Variants in PTPRD observed in about 807,000 individuals in gnomAD.
PTPRD encodes protein tyrosine phosphatase receptor type D, also known as receptor-type tyrosine-protein phosphatase delta.
In PTPRD, 34 loss-of-function variants were observed where a neutral mutation model predicts 214.5. The ratio of observed to expected loss-of-function variants is 0.16; its 90% CI spans 0.12 to 0.21. The LOEUF is 0.21. Ranked by LOEUF, PTPRD falls within the 10% of genes least tolerant of loss-of-function variation. PTPRD has a pLI of 1.00. For missense variants in PTPRD, 2,545 were observed against 2,398.7 expected, an observed-to-expected ratio of 1.06 and a Z score of -1.27; for synonymous variants, 1,128 against 845.7, an observed-to-expected ratio of 1.33 and a Z score of -5.79.
At chr9:8,710,371 C>A (rs1454585872) in intron 12 of PTPRD, among the ~76,000 whole-genome samples, 4 of 152,132 alleles carry the variant, frequency 2.6e-5, no homozygotes, top group Non-Finnish European at 5.9e-5. Flanking sequence ...AATCCTAGCA[C>A]TCTGGGAAGC....
At chr9:9,586,331 T>C (rs1457706672) in intron 7 of PTPRD, among the ~76,000 whole-genome samples, 2 of 151,990 alleles carry the variant, frequency 1.3e-5, no homozygotes, top group East Asian at 3.9e-4. Context: ...AGTATATTGG[T>C]TTAATGAATA....
At chr9:9,170,922 G>C (rs2099913226) in intron 10 of PTPRD, among the ~76,000 whole-genome samples, 1 of 152,166 alleles carries the variant, frequency 6.6e-6, no homozygotes, top group African/African-American at 2.4e-5. Flanking sequence ...ATTAAGTCCA[G>C]ATGCAAGTGT....
chr9:9,498,979 C>G (rs909997227), intron 8 of PTPRD, among the ~76,000 whole-genome samples: 1 of 151,954 alleles, frequency 6.6e-6, no homozygotes, highest in African/African-American at 2.4e-5. Context: ...CTTGCTCTTG[C>G]TGTCTCACTC....
chr9:9,711,642 A>G lies in PTPRD; in HGVS notation c.-287+22891T>C, dbSNP rs189530442. Among the ~76,000 whole-genome samples, 375 of 152,298 alleles carry G rather than the reference A, an allele frequency of 2.5e-3. 2 individuals are homozygous for G. Among genetic ancestry groups the G allele is most frequent in the Non-Finnish European group, 3.3e-3 (222 of 68,020 alleles). On this transcript the variant is annotated intron_variant, in intron 7 of 45. Coordinates refer to ENST00000381196, the MANE Select transcript of PTPRD (RefSeq NM_002839.4). ...AACAAAGGGTAAACTTACTCTCCAA[A>G]TGGTGACATTCTCAAGGTCAACAGA...
intron 2 of PTPRD, among the ~76,000 whole-genome samples, chr9:10,568,144 G>A (rs1406984752): frequency 7.5e-6 from 1 of 134,002 alleles, no homozygotes; most frequent in African/African-American, 2.9e-5. Flanking sequence ...AGTCCCCAGT[G>A]TGTGATGTTC....
At chr9:9,738,472 C>A (rs2098340562) in intron 6 of PTPRD, among the ~76,000 whole-genome samples, 1 of 87,658 alleles carries the variant, frequency 1.1e-5, no homozygotes, top group Non-Finnish European at 1.9e-5. Flanking sequence ...GAGATGGAGT[C>A]TTGCTCTGTC....
At chr9:8,422,048 AGATGG>A (rs932772170) in intron 35 of PTPRD, among the ~76,000 whole-genome samples, 3 of 142,612 alleles carry the variant, frequency 2.1e-5, no homozygotes, top group African/African-American at 7.7e-5. Flanking sequence ...TGGGAGGCTG[AGATGG>A]GAGGATCATC....
rs1029820271 is a variant in PTPRD at position 10,277,216 on chromosome 9, CAACATA to C, written c.-545+63741_-545+63746del. Among the ~76,000 whole-genome samples, 28 of 81,654 alleles carry C rather than the reference CAACATA, an allele frequency of 3.4e-4. No homozygotes were observed. In the East Asian group the frequency reaches 8.2e-3, roughly 24 times the overall value. The allele number at this position is 81,654 out of a possible 152,430, so 53.6% of individuals were successfully genotyped here. ...AACATAAAACATAAACATAAACATA[CAACATA>C]AACATAAACATAAAACATAAACATA... On this transcript the variant is annotated intron_variant, in intron 3 of 45. Transcript: ENST00000381196.
chr9:9,851,211 A>G (rs1417399535), intron 5 of PTPRD, among the ~76,000 whole-genome samples: 3 of 152,204 alleles, frequency 2.0e-5, no homozygotes, highest in African/African-American at 7.2e-5. Context: ...CAAAAGTAGA[A>G]TTAGTATTAC....
chr9:9,543,872 C>T (rs191725067), intron 8 of PTPRD, among the ~76,000 whole-genome samples: 5 of 151,568 alleles, frequency 3.3e-5, no homozygotes, highest in African/African-American at 1.2e-4. Flanking sequence ...ATTGTTAAAA[C>T]AATTTGTGTT....
intron 11 of PTPRD, among the ~76,000 whole-genome samples, chr9:8,973,644 G>A (rs1370729082): frequency 6.6e-6 from 1 of 152,086 alleles, no homozygotes. Context: ...TCTCCAAAAT[G>A]CTTTCTACAG....
At chr9:9,562,701 T>C (rs1212647924) in intron 8 of PTPRD, among the ~76,000 whole-genome samples, 1 of 152,110 alleles carries the variant, frequency 6.6e-6, no homozygotes, top group Non-Finnish European at 1.5e-5. Flanking sequence ...CCTGAGCAAA[T>C]TTGCCCAAAT....
chr9:8,384,737 G>A (rs938530609), intron 37 of PTPRD, among the ~76,000 whole-genome samples: 2 of 152,068 alleles, frequency 1.3e-5, no homozygotes, highest in African/African-American at 2.4e-5. Context: ...TGTTGGTCAC[G>A]CTGGTCTCGA....
At chr9:10,217,455 G>T (rs530005200) in intron 3 of PTPRD, among the ~76,000 whole-genome samples, 1 of 151,982 alleles carries the variant, frequency 6.6e-6, no homozygotes, top group African/African-American at 2.4e-5. Flanking sequence ...GATGTGAACA[G>T]AAGGCAAGTA....
intron 11 of PTPRD, among the ~76,000 whole-genome samples, chr9:8,911,299 G>C (rs1485114080): frequency 1.3e-5 from 2 of 152,064 alleles, no homozygotes; most frequent in Non-Finnish European, 2.9e-5. Context: ...TCGTATTTAA[G>C]GTCAATTGAT....
chr9:10,272,143 A>G (rs967972904), intron 3 of PTPRD, among the ~76,000 whole-genome samples: 19 of 152,126 alleles, frequency 1.2e-4, no homozygotes, highest in Non-Finnish European at 1.5e-4. Flanking sequence ...TGCTTTCTCT[A>G]TGTATCTCTC....
At chr9:9,159,695 TAAAA>T (rs2099884686) in intron 10 of PTPRD, among the ~76,000 whole-genome samples, 1 of 152,016 alleles carries the variant, frequency 6.6e-6, no homozygotes, top group Non-Finnish European at 1.5e-5. Flanking sequence ...TTCACAGAGA[TAAAA>T]AACCTCCGAA....
In PTPRD at chr9:10,481,583, T is replaced by A. The variant is rs191000667; in HGVS notation, c.-600+130815A>T. Among the ~76,000 whole-genome samples the A allele has an allele frequency of 3.2e-4, 48 of 152,254 alleles. 1 individual carries two copies. The highest frequency in any genetic ancestry group is 1.0e-3 in the African/African-American group (42 of 41,560). ...GTCTCTTAGCCTCATGAGAAAGAAG[T>A]TAAAATATAGTTTTTGAATGCATAA... is the stretch of plus-strand genomic sequence containing the variant. On this transcript the variant is annotated intron_variant, in intron 2 of 45. Transcript: ENST00000381196.
At chr9:9,436,861 G>C (rs1259855822) in intron 8 of PTPRD, among the ~76,000 whole-genome samples, 3 of 149,542 alleles carry the variant, frequency 2.0e-5, no homozygotes, top group Non-Finnish European at 4.4e-5. Context: ...GTCTCTTTTT[G>C]CTTATATACC....
Sources: allele counts gnomAD v4.1 joint callset (sites outside exome capture counted in the v4.1 genomes callset), GRCh38; gene constraint gnomAD v4.1.1; transcripts MANE v1.5; gene names NCBI Gene and HGNC (gene_info 2026-07-23, HGNC 2026-07-21).